E2F2: variants seen among roughly 807,000 people sequenced by gnomAD.
E2F2 encodes transcription factor E2F2.
In E2F2, 22 loss-of-function variants were observed where a neutral mutation model predicts 42.2. The observed-to-expected ratio is 0.52, with a 90% confidence interval of 0.37 to 0.74. The LOEUF is 0.74. Ranked by LOEUF, E2F2 falls within the 30% of genes least tolerant of loss-of-function variation. The pLI is 0.00. For synonymous variants in E2F2, 248 were observed against 251.6 expected (o/e 0.99, Z 0.13); for missense variants, 481 against 557.8 (o/e 0.86, Z 1.39).
rs1642927956 is a variant in E2F2, at chr1:23,512,434, A to T, written c.1046-2286T>A. Among the ~76,000 whole-genome samples, 5 of 151,956 alleles carry T rather than the reference A, an allele frequency of 3.3e-5. No individual in the cohort carries two copies. The South Asian group carries it at 1.0e-3, about 32-fold the overall frequency. ...AGATGAGAAAACTAGGGCCCAAAGAAGTCCATTAAATGTATATTAATTAAA... is the reference window on the plus strand; with the variant it reads ...AGATGAGAAAACTAGGGCCCAAAGATGTCCATTAAATGTATATTAATTAAA... On this transcript the variant is annotated intron_variant, in intron 6 of 6. Coordinates refer to ENST00000361729, the MANE Select transcript of E2F2 (RefSeq NM_004091.4).
At position 23,516,324 on chromosome 1, in the gene E2F2, A is replaced by G; in HGVS notation, c.1045+11T>C. 6.6e-7 allele frequency: 1 copy of G among 1,510,732 alleles called. No homozygotes were observed. Among genetic ancestry groups the G allele is most frequent in the Non-Finnish European group, 8.8e-7 (1 of 1,133,320 alleles). 93.6% of individuals were successfully genotyped at this position (1,510,732 alleles called of 1,614,324 possible). On this transcript the variant is annotated intron_variant, in intron 6 of 6. Coordinates refer to ENST00000361729, the MANE Select transcript of E2F2 (RefSeq NM_004091.4). Reference sequence around the variant, plus strand: ...CCCCCCACCTCCTGTCCCTCTGGACAAGGGACCTACCTGAGGATGCTGTGG... The same window carrying G: ...CCCCCCACCTCCTGTCCCTCTGGACGAGGGACCTACCTGAGGATGCTGTGG...
Position 23,516,449 on chromosome 1 carries a change from C to G in E2F2, c.931G>C (p.Asp311His). Residue 311 changes from aspartate to histidine, a missense_variant, in exon 6 of 7, where the codon GAC becomes CAC. Physicochemically the swap from Asp to His is moderately conservative, Grantham distance 81. Coordinates refer to ENST00000361729, the MANE Select transcript of E2F2 (RefSeq NM_004091.4). ...YLCPEEVQEP[D>H]SPSEEPLPST... ...GGGAGAGGCTCCTCGGAAGGACTGT[C>G]CGGCTCCTGCACCTCCTCTGGGCAC... The G allele has an allele frequency of 6.2e-7, 1 of 1,609,582 alleles. No homozygotes were observed. Among genetic ancestry groups the G allele is most frequent in the Non-Finnish European group, 8.5e-7 (1 of 1,178,006 alleles).
chr1:23,521,901 T>C lies in E2F2; in HGVS notation c.514A>G (p.Ile172Val). The C allele has an allele frequency of 6.2e-7, 1 of 1,614,192 alleles. No individual in the cohort carries two copies. The highest frequency in any genetic ancestry group is 8.5e-7 in the Non-Finnish European group (1 of 1,180,036). ...TGGATGCCTTCCAGCACGTTGGTGATGTCATAGATGCGCCGCTTCTGCACG... is the reference window on the plus strand; with the variant it reads ...TGGATGCCTTCCAGCACGTTGGTGACGTCATAGATGCGCCGCTTCTGCACG... ...LDVQKRRIYDITNVLEGIQLI... is the reference protein window; with the variant it reads ...LDVQKRRIYDVTNVLEGIQLI... The change falls in exon 3 of 7, where the codon ATC becomes GTC. Residue 172 changes from isoleucine (I) to valine (V), a missense_variant. Ile to Val is a conservative substitution (Grantham distance 29). Coordinates refer to ENST00000361729, the MANE Select transcript of E2F2 (RefSeq NM_004091.4).
At position 23,517,353 on chromosome 1, in the gene E2F2, G is replaced by C. The variant is rs1387893617; in HGVS notation, c.853-826C>G. ...AGGTCTCCATGCCTGTACTCACACA[G>C]AACTGCACCTAGCAAAAACCCTATT... On this transcript the variant is annotated intron_variant, in intron 5 of 6. Transcript: ENST00000361729. Among the ~76,000 whole-genome samples the C allele has an allele frequency of 3.9e-5, 6 of 152,188 alleles. No individual in the cohort carries two copies. The East Asian group carries it at 1.2e-3, about 29-fold the overall frequency.
chr1:23,524,880 G>A (rs1413517787), intron 1 of E2F2, among the ~76,000 whole-genome samples: 3 of 152,170 alleles, frequency 2.0e-5, no homozygotes, highest in Non-Finnish European at 4.4e-5. Context: ...ACCACATCAG[G>A]GTGGGGAAAG....
intron 6 of E2F2, among the ~76,000 whole-genome samples, chr1:23,514,076 A>T (rs1642967017): frequency 6.6e-6 from 1 of 151,268 alleles, no homozygotes; most frequent in Non-Finnish European, 1.5e-5. Flanking sequence ...GTGAGCCAAG[A>T]TTGTGCCACT....
intron 6 of E2F2, among the ~76,000 whole-genome samples, chr1:23,510,958 CCA>C (rs1262463363): frequency 6.6e-6 from 1 of 152,184 alleles, no homozygotes; most frequent in African/African-American, 2.4e-5. Flanking sequence ...CTACTCTCCA[CCA>C]CACACAACTA....
chr1:23,523,009 G>A (rs1251969318), intron 2 of E2F2, among the ~76,000 whole-genome samples: 1 of 152,160 alleles, frequency 6.6e-6, no homozygotes, highest in Non-Finnish European at 1.5e-5. Context: ...TGATCTAGCT[G>A]TGTCTTCTTT....
chr1:23,510,057 G>A lies in E2F2; in HGVS notation c.1137C>T (p.His379=), dbSNP rs1165379045. 1.2e-6 allele frequency: 2 copies of A among 1,611,524 alleles called. No individual in the cohort carries two copies. The highest frequency in any genetic ancestry group is 1.3e-5 in the African/African-American group (1 of 74,898). The change falls in exon 7 of 7, where the codon CAC becomes CAT. Residue 379 remains histidine, a synonymous_variant. Coordinates refer to ENST00000361729, the MANE Select transcript of E2F2 (RefSeq NM_004091.4). ...GGTCCTCAGTCTGCTGCAGGAGTGGGTGCGGCAGCTCCAGCAGGCTGTCAG... is the reference window on the plus strand; with the variant it reads ...GGTCCTCAGTCTGCTGCAGGAGTGGATGCGGCAGCTCCAGCAGGCTGTCAG... ...EATDSLLELP[H]PLLQQTEDQF...
rs186689454 is a variant in E2F2 at position 23,529,799 on chromosome 1, A to T, written c.252+743T>A. On this transcript the variant is annotated intron_variant, in intron 1 of 6. Transcript: ENST00000361729. ...TTTTCCCACTCCACCCCCCACCCTA[A>T]AGTTGTTTTGATTCACACGGGCTCC... is the stretch of plus-strand genomic sequence containing the variant. 3.3e-5 allele frequency among the ~76,000 whole-genome samples: 5 copies of T among 151,804 alleles called. No homozygotes were observed. The East Asian group carries it at 7.7e-4, about 24-fold the overall frequency.
Position 23,520,767 on chromosome 1 carries a change from A to T in E2F2, c.737+146T>A, listed in dbSNP as rs540152952. The T allele has an allele frequency of 2.0e-5, 14 of 698,314 alleles. No homozygotes were observed. In the East Asian group the frequency reaches 3.1e-4, roughly 15 times the overall value. 43.3% of individuals were successfully genotyped at this position (698,314 alleles called of 1,614,324 possible). A position where few individuals can be genotyped will look rare whatever the true frequency, so the allele number is the denominator to read the frequency against. On this transcript the variant is annotated intron_variant, in intron 4 of 6. Transcript: ENST00000361729. ...CTAAAAAAAATAAATAAATAATTTT[A>T]AAAATAGACTTGAGAAGAAAAGCCA...
chr1:23,530,265 C>G lies in E2F2; in HGVS notation c.252+277G>C, dbSNP rs569122925. On this transcript the variant is annotated intron_variant, in intron 1 of 6. Coordinates refer to ENST00000361729, the MANE Select transcript of E2F2 (RefSeq NM_004091.4). The surrounding 1 kb of genome is among the most constrained non-coding windows in gnomAD (Gnocchi z 4.4). ...CTGCATGGACTTCCCCAAGGTCACA[C>G]AGTGCACTGGGAGTAGTGAGTTGGG... Among the ~76,000 whole-genome samples the G allele has an allele frequency of 2.0e-5, 3 of 152,378 alleles. No homozygotes were observed. In the South Asian group the frequency reaches 6.2e-4, roughly 32 times the overall value.
chr1:23,510,568 G>T (rs1642890756), intron 6 of E2F2, among the ~76,000 whole-genome samples: 1 of 152,074 alleles, frequency 6.6e-6, no homozygotes. Flanking sequence ...CAAGTGATCG[G>T]CCTTCCAAAG....
downstream of E2F2, among the ~76,000 whole-genome samples, chr1:23,505,582 G>A (rs1019327844): frequency 2.0e-5 from 3 of 152,036 alleles, no homozygotes; most frequent in Non-Finnish European, 2.9e-5. Flanking sequence ...GCGCCATCTC[G>A]GCTCACTGCA....
At position 23,509,696 on chromosome 1, in the gene E2F2, T is replaced by C. The variant is rs1642869173; in HGVS notation, c.*184A>G. 2.5e-6 allele frequency: 3 copies of C among 1,204,394 alleles called. No homozygotes were observed. In the East Asian group the frequency reaches 9.4e-5, roughly 38 times the overall value. 74.6% of individuals were successfully genotyped at this position (1,204,394 alleles called of 1,614,324 possible). On this transcript the variant is annotated 3_prime_UTR_variant, in exon 7 of 7. Transcript: ENST00000361729. ...AAGGTGAGGACCACCCCTTATCCAC[T>C]CCTCACCCGTACCATTCATATCTCC...
Position 23,530,446 on chromosome 1 carries a change from C to CT in E2F2, c.252+95dup. 6.6e-7 allele frequency: 1 copy of CT among 1,504,266 alleles called. No homozygotes were observed. Among genetic ancestry groups the CT allele is most frequent in the South Asian group, 1.3e-5 (1 of 78,640 alleles). The allele number at this position is 1,504,266 out of a possible 1,614,324, so 93.2% of individuals were successfully genotyped here. The stretch of plus-strand genomic sequence containing the variant: ...GCTCATCTTCCCTCTTCCCAAAACT[C>CT]TACCTGCTCCACTCAAACTGGATCT... On this transcript the variant is annotated intron_variant, in intron 1 of 6. Transcript: ENST00000361729. This position sits in a 1 kb window ranked among gnomAD's most constrained non-coding sequence, Gnocchi z 4.4.
rs1174715619 is a variant in E2F2 at position 23,516,485 on chromosome 1, C to T, written c.895G>A (p.Glu299Lys). ...ACCTCCTCTGGGCACAGGTAGACTT[C>T]GATGGGCCCTTGGGTGCTCTTGAGA... ...IYLKSTQGPI[E>K]VYLCPEEVQE... The change falls in exon 6 of 7, where the codon GAA becomes AAA. Residue 299 changes from glutamate to lysine, a missense_variant. Transcript: ENST00000361729. The T allele has an allele frequency of 6.2e-7, 1 of 1,609,884 alleles. No individual in the cohort carries two copies. Among genetic ancestry groups the T allele is most frequent in the South Asian group, 1.1e-5 (1 of 90,270 alleles).
At chr1:23,528,928 G>A (rs1643293167) in intron 1 of E2F2, among the ~76,000 whole-genome samples, 1 of 152,178 alleles carries the variant, frequency 6.6e-6, no homozygotes. Context: ...GCCTGACCAG[G>A]TGCATTAGAG....
At position 23,509,373 on chromosome 1, in the gene E2F2, C is replaced by G. The variant is rs1642862795; in HGVS notation, c.*507G>C. 1 of 152,422 alleles carries G rather than the reference C, an allele frequency of 6.6e-6. No individual in the cohort carries two copies. Among genetic ancestry groups the G allele is most frequent in the Non-Finnish European group, 1.5e-5 (1 of 68,216 alleles). The allele number at this position is 152,422 out of a possible 1,614,324, so 9.4% of individuals were successfully genotyped here. A position where few individuals can be genotyped will look rare whatever the true frequency, so the allele number is the denominator to read the frequency against. ...GAAACCAAGGATGTAGCCTGGGCCC[C>G]TCCCTTGGAAACCCAGACCTGCCCT... On this transcript the variant is annotated 3_prime_UTR_variant, in exon 7 of 7. Transcript: ENST00000361729.
Sources: gnomAD v4.1 joint callset for allele counts (sites outside exome capture counted in the v4.1 genomes callset) on GRCh38, gnomAD v4.1.1 for gene constraint, Gnocchi (gnomAD v3.1) non-coding constraint, MANE v1.5 for transcripts, NCBI Gene and HGNC (gene_info 2026-07-23, HGNC 2026-07-21) for gene names.